The following TEX2 variants were observed in gnomAD, a reference collection of about 807,000 sequenced individuals.
TEX2 encodes testis expressed 2.
In TEX2, 53 loss-of-function variants were observed where a neutral mutation model predicts 106.9. The ratio of observed to expected loss-of-function variants is 0.50; its 90% CI spans 0.40 to 0.62. The LOEUF (loss-of-function observed/expected upper bound fraction) is 0.62. Ranked by LOEUF, TEX2 falls within the 20% of genes least tolerant of loss-of-function variation. The pLI is 0.00. For missense variants in TEX2, 1,207 were observed against 1,379.0 expected (o/e 0.88, Z 1.98); for synonymous variants, 523 against 534.8 (o/e 0.98, Z 0.30).
intron 1 of TEX2, among the ~76,000 whole-genome samples, chr17:64,246,996 G>A (rs888202325): frequency 1.6e-4 from 24 of 152,218 alleles, no homozygotes; most frequent in Admixed American, 7.8e-4. Flanking sequence ...GCAGCTGGGC[G>A]TGGTGGCTCA....
intron 5 of TEX2, among the ~76,000 whole-genome samples, chr17:64,181,472 CAAAAAA>C (rs759988777): frequency 4.3e-3 from 109 of 25,420 alleles, no homozygotes; most frequent in Non-Finnish European, 5.9e-3. Context: ...AAGGCTATCT[CAAAAAA>C]AAAAAAAAAA....
At chr17:64,210,943 C>T (rs2032983496) in intron 2 of TEX2, among the ~76,000 whole-genome samples, 1 of 151,738 alleles carries the variant, frequency 6.6e-6, no homozygotes, top group South Asian at 2.1e-4. Flanking sequence ...CAAAGCCTAC[C>T]TCTGTTACTT....
intron 6 of TEX2, among the ~76,000 whole-genome samples, chr17:64,171,721 G>A (rs371720987): frequency 7.9e-5 from 12 of 152,192 alleles, no homozygotes; most frequent in African/African-American, 2.7e-4. Flanking sequence ...GCTCATGTCT[G>A]TAATCCCAAC....
intron 5 of TEX2, among the ~76,000 whole-genome samples, chr17:64,178,348 G>T (rs1446944717): frequency 6.6e-6 from 1 of 152,206 alleles, no homozygotes; most frequent in Non-Finnish European, 1.5e-5. Flanking sequence ...AGGTTTATGT[G>T]GTTGGTGCAG....
At chr17:64,225,637 C>T (rs920891354) in intron 1 of TEX2, among the ~76,000 whole-genome samples, 3 of 152,094 alleles carry the variant, frequency 2.0e-5, no homozygotes, top group East Asian at 3.8e-4. Context: ...AGTATGGTGC[C>T]GAAAGCCCAA....
At chr17:64,244,539 C>A (rs1555636101) in intron 1 of TEX2, among the ~76,000 whole-genome samples, 1 of 152,174 alleles carries the variant, frequency 6.6e-6, no homozygotes, top group African/African-American at 2.4e-5. Context: ...TTTGATGCTT[C>A]AGTACATCAC....
At chr17:64,219,985 C>T (rs552923710) in intron 1 of TEX2, among the ~76,000 whole-genome samples, 1 of 152,200 alleles carries the variant, frequency 6.6e-6, no homozygotes, top group East Asian at 1.9e-4. Flanking sequence ...ATCACAAGTG[C>T]CCTTAAAAGA....
At chr17:64,181,472 C>CAAAA (rs759988777) in intron 5 of TEX2, among the ~76,000 whole-genome samples, 7 of 25,424 alleles carry the variant, frequency 2.8e-4, no homozygotes, top group African/African-American at 1.5e-3. Flanking sequence ...AAGGCTATCT[C>CAAAA]AAAAAAAAAA....
At chr17:64,216,462 G>A (rs1169842543) in intron 1 of TEX2, among the ~76,000 whole-genome samples, 2 of 152,138 alleles carry the variant, frequency 1.3e-5, no homozygotes, top group Admixed American at 6.5e-5. Context: ...CACCCACAGC[G>A]GTGGCTATAA....
intron 4 of TEX2, 77 bp downstream of exon 4, chr17:64,193,482 T>TCCTTCCTA (rs377429564): frequency 8.4e-7 from 1 of 1,187,264 alleles, no homozygotes; most frequent in Non-Finnish European, 1.1e-6. Context: ...CTTCCTTCCT[T>TCCTTCCTA]CCTACCTGGC....
Position 64,177,415 on chromosome 17 carries a change from C to T in TEX2, c.2481G>A (p.Leu827=). 1 of 1,614,182 alleles carries T rather than the reference C, an allele frequency of 6.2e-7. No individual in the cohort carries two copies. Among genetic ancestry groups the T allele is most frequent in the Non-Finnish European group, 8.5e-7 (1 of 1,180,036 alleles). ...EEEQEAWVNA[L]LGRIFWDFLG... ...AGAAGTCCCAAAATATTCTTCCAAGCAAGGCATTCACCCAGGCTTCCTGTT... is the reference window on the plus strand; with the variant it reads ...AGAAGTCCCAAAATATTCTTCCAAGTAAGGCATTCACCCAGGCTTCCTGTT... The change falls in exon 6 of 12, where the codon TTG becomes TTA. Residue 827 remains leucine, a synonymous_variant. Coordinates refer to ENST00000584379, the MANE Select transcript of TEX2 (RefSeq NM_001288732.2).
chr17:64,167,573 CT>C (rs1292496573), intron 7 of TEX2, among the ~76,000 whole-genome samples: 1 of 152,122 alleles, frequency 6.6e-6, no homozygotes, highest in African/African-American at 2.4e-5. Flanking sequence ...AATCCCAGCA[CT>C]TTGAGAGGCT....
At chr17:64,182,411 A>G (rs1337048810) in intron 5 of TEX2, among the ~76,000 whole-genome samples, 1 of 152,180 alleles carries the variant, frequency 6.6e-6, no homozygotes, top group Admixed American at 6.5e-5. Flanking sequence ...TAACATTATG[A>G]ATGTATTCAA....
chr17:64,150,544 C>A (rs2030299438), intron 11 of TEX2: 1 of 184,792 alleles, frequency 5.4e-6, no homozygotes, highest in East Asian at 1.4e-4. Context: ...TAAGAGAAAA[C>A]AAAGCCTGAC....
Position 64,147,387 on chromosome 17 carries a change from G to A in TEX2, c.*1582C>T, listed in dbSNP as rs1357428266. ...CCCGGTGCTCTGTACTCATTTTATT[G>A]TGCCCCTATCTGAACAGGATTCCGT... On this transcript the variant is annotated 3_prime_UTR_variant, in exon 12 of 12. Coordinates refer to ENST00000584379, the MANE Select transcript of TEX2 (RefSeq NM_001288732.2). The A allele has an allele frequency of 6.6e-6, 1 of 152,020 alleles. No individual in the cohort carries two copies. The highest frequency in any genetic ancestry group is 1.9e-4 in the East Asian group (1 of 5,196). 9.4% of individuals were successfully genotyped at this position (152,020 alleles called of 1,614,324 possible).
Position 64,214,011 on chromosome 17 carries a change from C to T in TEX2, c.207G>A (p.Leu69=), listed in dbSNP as rs2033110870. 1 of 1,614,226 alleles carries T rather than the reference C, an allele frequency of 6.2e-7. No homozygotes were observed. The highest frequency in any genetic ancestry group is 8.5e-7 in the Non-Finnish European group (1 of 1,180,048). ...GLDDQSIVTG[L]EAKEDLYLEP... is the part of the protein sequence containing the mutation. ...CAAGATAGAGGTCTTCCTTGGCTTC[C>T]AGCCCTGTTACAATGCTTTGGTCAT... The change falls in exon 2 of 12, where the codon CTG becomes CTA. Residue 69 remains leucine, a synonymous_variant. Transcript: ENST00000584379.
At chr17:64,238,560 A>G (rs2143381854) in intron 1 of TEX2, among the ~76,000 whole-genome samples, 1 of 152,358 alleles carries the variant, frequency 6.6e-6, no homozygotes, top group East Asian at 1.9e-4. Context: ...AGGCCTCGGG[A>G]AACTTACAAT....
chr17:64,219,508 C>CAAATG (rs1555633013), intron 1 of TEX2, among the ~76,000 whole-genome samples: 1 of 134,830 alleles, frequency 7.4e-6, no homozygotes, highest in Non-Finnish European at 1.6e-5. Flanking sequence ...TCCATCTCAT[C>CAAATG]AAATAAAATA....
chr17:64,239,946 T>C (rs2033854301), intron 1 of TEX2, among the ~76,000 whole-genome samples: 1 of 149,506 alleles, frequency 6.7e-6, no homozygotes, highest in South Asian at 2.1e-4. Flanking sequence ...ATCTGGTAAG[T>C]TCCTTACCAG....
Sources: allele counts gnomAD v4.1 joint callset (sites outside exome capture counted in the v4.1 genomes callset), GRCh38; gene constraint gnomAD v4.1.1; transcripts MANE v1.5; gene names NCBI Gene and HGNC (gene_info 2026-07-23, HGNC 2026-07-21).